Variants in ADAMTS17 observed in about 807,000 individuals in gnomAD.
ADAMTS17 encodes the protein A disintegrin and metalloproteinase with thrombospondin motifs 17.
ADAMTS17 carries 113 observed loss-of-function variants against 141.5 expected under a neutral mutation model. The observed-to-expected ratio is 0.80, with a 90% CI of 0.69 to 0.93. The LOEUF (loss-of-function observed/expected upper bound fraction) is 0.93, where lower values mean the gene tolerates loss of function less well. Ranked by LOEUF, ADAMTS17 falls within the 40% of genes least tolerant of loss-of-function variation. The pLI, the probability that ADAMTS17 is intolerant of heterozygous loss-of-function variation, is 0.00. For synonymous variants in ADAMTS17, 768 were observed against 630.6 expected (o/e 1.22, Z -3.27); for missense variants, 1,659 against 1,517.9 (o/e 1.09, Z -1.54).
chr15:100,242,637 C>T (rs912754891), intron 7 of ADAMTS17, among the ~76,000 whole-genome samples: 2 of 152,276 alleles, frequency 1.3e-5, no homozygotes, highest in Non-Finnish European at 2.9e-5. Flanking sequence ...AAACCCTGCA[C>T]TATTTGTGTC....
intron 7 of ADAMTS17, among the ~76,000 whole-genome samples, chr15:100,233,697 G>A (rs2042562914): frequency 6.6e-6 from 1 of 152,156 alleles, no homozygotes; most frequent in Admixed American, 6.5e-5. Context: ...GGCCGCTTCT[G>A]TCTCTCTGAG....
At chr15:100,234,229 A>T (rs1281613449) in intron 7 of ADAMTS17, among the ~76,000 whole-genome samples, 1 of 152,214 alleles carries the variant, frequency 6.6e-6, no homozygotes, top group African/African-American at 2.4e-5. Flanking sequence ...CTTCAGAAAC[A>T]AAGACAGTAC....
At chr15:99,994,891 CTT>C (rs1376379864) in intron 19 of ADAMTS17, among the ~76,000 whole-genome samples, 1 of 152,244 alleles carries the variant, frequency 6.6e-6, no homozygotes, top group East Asian at 1.9e-4. Flanking sequence ...CAATTCAGCT[CTT>C]TGTCTAAAGA....
chr15:100,201,341 C>G (rs1232118220), intron 7 of ADAMTS17, among the ~76,000 whole-genome samples: 1 of 129,736 alleles, frequency 7.7e-6, no homozygotes, highest in African/African-American at 2.8e-5. Context: ...CCTCCCCCCT[C>G]TCTCCTGCTG....
chr15:100,074,927 T>C (rs2034260871), intron 15 of ADAMTS17, among the ~76,000 whole-genome samples: 1 of 152,204 alleles, frequency 6.6e-6, no homozygotes, highest in South Asian at 2.1e-4. Flanking sequence ...TTTACATATT[T>C]GTACTTTCCT....
At position 99,976,118 on chromosome 15, in the gene ADAMTS17, G is replaced by T; in HGVS notation, c.3054C>A (p.Ala1018=). Residue 1018 remains alanine (A), a synonymous_variant, in exon 21 of 22, where the codon GCC becomes GCA. Transcript: ENST00000268070. ...GSECPALSKP[A]PYRQCYQEVC... ...CCTCCTGGTAGCACTGTCTGTAGGG[G>T]GCAGGCTTCGAGAGGGCGGGGCACT... 1 of 1,551,458 alleles carries T rather than the reference G, an allele frequency of 6.4e-7. No individual in the cohort carries two copies. Among genetic ancestry groups the T allele is most frequent in the Non-Finnish European group, 8.7e-7 (1 of 1,146,990 alleles).
intron 3 of ADAMTS17, among the ~76,000 whole-genome samples, chr15:100,298,407 A>C (rs898075809): frequency 2.6e-5 from 4 of 152,084 alleles, no homozygotes; most frequent in African/African-American, 9.7e-5. Context: ...GCCCTCATCA[A>C]GCCCCGACTC....
Position 99,973,690 on chromosome 15 carries a change from C to G in ADAMTS17, c.*712G>C, listed in dbSNP as rs989903761. On this transcript the variant is annotated 3_prime_UTR_variant, in exon 22 of 22. Coordinates refer to ENST00000268070, the MANE Select transcript of ADAMTS17 (RefSeq NM_139057.4). The stretch of plus-strand genomic sequence containing the variant: ...ACAGCAGAGCTCTGAAAATTAGATG[C>G]TTCCCCAAACCCAGACTCTCTTGGA... 1 of 154,352 alleles carries G rather than the reference C, an allele frequency of 6.5e-6. No homozygotes were observed. Among genetic ancestry groups the G allele is most frequent in the African/African-American group, 2.4e-5 (1 of 41,456 alleles). 9.6% of individuals were successfully genotyped at this position (154,352 alleles called of 1,614,324 possible). A position where few individuals can be genotyped will look rare whatever the true frequency, so the allele number is the denominator to read the frequency against.
At chr15:100,145,320 G>C (rs1349157330) in intron 10 of ADAMTS17, among the ~76,000 whole-genome samples, 1 of 152,216 alleles carries the variant, frequency 6.6e-6, no homozygotes. Flanking sequence ...TAAGAGAACA[G>C]AGTCCTCCAA....
chr15:100,133,696 A>G (rs964378982), intron 10 of ADAMTS17, among the ~76,000 whole-genome samples: 2 of 152,196 alleles, frequency 1.3e-5, no homozygotes, highest in African/African-American at 4.8e-5. Flanking sequence ...GGGGACACAG[A>G]AAGAGGATCT....
intron 17 of ADAMTS17, 122 bp downstream of exon 17, chr15:100,051,450 G>A (rs1012645238): frequency 7.0e-7 from 1 of 1,423,024 alleles, no homozygotes; most frequent in Non-Finnish European, 9.8e-7. Context: ...GTGGGATATG[G>A]TTAAATTCCC....
At chr15:100,255,170 C>G (rs2043283288) in intron 6 of ADAMTS17, among the ~76,000 whole-genome samples, 1 of 152,094 alleles carries the variant, frequency 6.6e-6, no homozygotes, top group Non-Finnish European at 1.5e-5. Context: ...AACCAGGGGT[C>G]TAGGCTCTTC....
At chr15:100,175,973 G>A (rs984012094) in intron 8 of ADAMTS17, among the ~76,000 whole-genome samples, 6 of 152,140 alleles carry the variant, frequency 3.9e-5, no homozygotes, top group South Asian at 2.1e-4. Flanking sequence ...CTTGGCAGCC[G>A]AAACAAGATA....
chr15:100,048,802 T>C, intron 18 of ADAMTS17, 55 bp downstream of exon 18: 6 of 1,613,218 alleles, frequency 3.7e-6, no homozygotes, highest in Non-Finnish European at 5.1e-6. Flanking sequence ...CCACCACTGA[T>C]GGTGCTGCCG....
intron 13 of ADAMTS17, among the ~76,000 whole-genome samples, chr15:100,116,133 A>T (rs907347261): frequency 2.3e-4 from 7 of 30,804 alleles, no homozygotes; most frequent in Non-Finnish European, 4.2e-4. Flanking sequence ...AGTTTTAGGT[A>T]AAAAAAAAAA....
intron 15 of ADAMTS17, among the ~76,000 whole-genome samples, chr15:100,074,787 G>C (rs564856266): frequency 2.0e-5 from 3 of 152,154 alleles, no homozygotes; most frequent in Admixed American, 2.0e-4. Context: ...ATTTTATATA[G>C]AGGCACGATT....
intron 20 of ADAMTS17, chr15:99,980,069 C>G (rs1837635898): frequency 6.6e-6 from 1 of 152,226 alleles, no homozygotes; most frequent in South Asian, 2.1e-4. Context: ...ACCTGTAACC[C>G]CAGCATTTTG....
intron 7 of ADAMTS17, among the ~76,000 whole-genome samples, chr15:100,240,806 T>C (rs2042806363): frequency 1.3e-5 from 2 of 152,196 alleles, no homozygotes; most frequent in Non-Finnish European, 2.9e-5. Flanking sequence ...ACTCAACTTC[T>C]GTTTGTTTTT....
intron 3 of ADAMTS17, among the ~76,000 whole-genome samples, chr15:100,311,818 A>C (rs933933950): frequency 2.7e-5 from 4 of 150,428 alleles, no homozygotes; most frequent in African/African-American, 9.8e-5. Flanking sequence ...TCCAACAGAT[A>C]AGTGAAAAAG....
Sources: allele counts gnomAD v4.1 joint callset (sites outside exome capture counted in the v4.1 genomes callset), GRCh38; gene constraint gnomAD v4.1.1; transcripts MANE v1.5; gene names NCBI Gene and HGNC (gene_info 2026-07-23, HGNC 2026-07-21).